SATB2: variants seen among roughly 807,000 people sequenced by gnomAD.
The protein encoded by SATB2 is DNA-binding protein SATB2.
A neutral mutation model predicts 73.4 loss-of-function variants in SATB2; 1 was observed. That is an observed-to-expected ratio of 0.01 (90% confidence interval 0.00 to 0.06). SATB2 has a LOEUF of 0.06. Ranked by LOEUF, SATB2 falls within the 10% of genes least tolerant of loss-of-function variation. The probability of loss-of-function intolerance (pLI) is 1.00; values close to 1 mark genes in which losing one functional copy is unlikely to be tolerated. For missense variants in SATB2, 459 were observed against 945.8 expected (o/e 0.49, Z 6.75); for synonymous variants, 397 against 367.0 (o/e 1.08, Z -0.93).
intron 10 of SATB2, among the ~76,000 whole-genome samples, chr2:199,285,895 T>A (rs1692673333): frequency 6.7e-6 from 1 of 150,258 alleles, no homozygotes; most frequent in African/African-American, 2.4e-5. Flanking sequence ...TTTTTTTTTT[T>A]AAATATTGTA....
At chr2:199,292,187 C>T (rs951248122) in intron 10 of SATB2, among the ~76,000 whole-genome samples, 1 of 152,130 alleles carries the variant, frequency 6.6e-6, no homozygotes, top group African/African-American at 2.4e-5. Context: ...TCAATATGGT[C>T]CTTTTGGTCT....
rs11369554 is a variant in SATB2, at chr2:199,353,148, C to CTTTTTTTT, written c.701-3983_701-3976dup. ...AGAAACCATTTACACACGTTTTTGTCTTTTTTTTTTTTTTTTTTTTTTTTG... is the reference window on the plus strand; with the variant it reads ...AGAAACCATTTACACACGTTTTTGTCTTTTTTTTTTTTTTTTTTTTTTTTTTTTTTTTG... On this transcript the variant is annotated intron_variant, in intron 6 of 10. Coordinates refer to ENST00000417098, the MANE Select transcript of SATB2 (RefSeq NM_001172509.2). Among the ~76,000 whole-genome samples, 5 of 88,012 alleles carry CTTTTTTTT rather than the reference C, an allele frequency of 5.7e-5. 1 individual carries two copies. Among genetic ancestry groups the CTTTTTTTT allele is most frequent in the Non-Finnish European group, 9.9e-5 (5 of 50,428 alleles). 57.7% of individuals were successfully genotyped at this position (88,012 alleles called of 152,430 possible).
At chr2:199,425,737 T>C (rs1206496574) in intron 3 of SATB2, among the ~76,000 whole-genome samples, 1 of 152,130 alleles carries the variant, frequency 6.6e-6, no homozygotes, top group Non-Finnish European at 1.5e-5. Flanking sequence ...TAAACAAATA[T>C]AAGGAATACA....
chr2:199,348,516 A>G, intron 7 of SATB2, 185 bp downstream of exon 7: 2 of 636,636 alleles, frequency 3.1e-6, no homozygotes, highest in Non-Finnish European at 2.7e-6. Context: ...TTAATCAATT[A>G]GTTAATTAAT....
chr2:199,347,191 C>A (rs1250093868), intron 7 of SATB2: 1 of 152,056 alleles, frequency 6.6e-6, no homozygotes, highest in Non-Finnish European at 1.5e-5. Context: ...CTGAAGTAAT[C>A]ATTAAATTTG....
chr2:199,415,113 A>G (rs182900853), intron 3 of SATB2, among the ~76,000 whole-genome samples: 89 of 152,350 alleles, frequency 5.8e-4, no homozygotes, highest in Admixed American at 1.1e-3. Context: ...AAGAATGAGC[A>G]CCACAATTAT....
chr2:199,291,147 G>A (rs957830064), intron 10 of SATB2, among the ~76,000 whole-genome samples: 1 of 152,130 alleles, frequency 6.6e-6, no homozygotes, highest in African/African-American at 2.4e-5. Flanking sequence ...AATGAACAAA[G>A]AGAGACTTTG....
upstream of SATB2, chr2:199,458,189 A>G (rs1692350158): frequency 2.6e-5 from 2 of 78,192 alleles, no homozygotes; most frequent in South Asian, 7.7e-5. Flanking sequence ...CCGCAAGAAA[A>G]GAGGGGAGTG....
chr2:199,396,650 C>T (rs569995573), intron 3 of SATB2: 1 of 152,246 alleles, frequency 6.6e-6, no homozygotes, highest in South Asian at 2.1e-4. Context: ...CTCAGGTACA[C>T]ACTGAGAAAC....
upstream of SATB2, among the ~76,000 whole-genome samples, chr2:199,460,192 GCA>G (rs1296579566): frequency 6.6e-6 from 1 of 152,010 alleles, no homozygotes; most frequent in Admixed American, 6.6e-5. The surrounding 1 kb of genome is among the most constrained non-coding windows in gnomAD (Gnocchi z 4.0). Flanking sequence ...GGGAGAAAAT[GCA>G]CAGTTCGAAG....
At chr2:199,274,244 A>T (rs1427784318) in intron 10 of SATB2, among the ~76,000 whole-genome samples, 4 of 152,170 alleles carry the variant, frequency 2.6e-5, no homozygotes, top group Non-Finnish European at 5.9e-5. Context: ...ACGTCTAGTT[A>T]CATTAAAGGA....
intron 2 of SATB2, among the ~76,000 whole-genome samples, chr2:199,451,155 T>C (rs1692111484): frequency 6.6e-6 from 1 of 151,044 alleles, no homozygotes; most frequent in Non-Finnish European, 1.5e-5. Flanking sequence ...TGATCTTGAG[T>C]ATACAATGGT....
At chr2:199,273,931 T>G (rs1692236284) in intron 10 of SATB2, among the ~76,000 whole-genome samples, 4 of 152,194 alleles carry the variant, frequency 2.6e-5, no homozygotes, top group Admixed American at 2.6e-4. Flanking sequence ...GATGAGGAAC[T>G]GCAGCCATCG....
rs999040453 is a variant in SATB2 at position 199,455,663 on chromosome 2, C to T, written c.169+206G>A. On this transcript the variant is annotated intron_variant, in intron 2 of 10. Coordinates refer to ENST00000417098, the MANE Select transcript of SATB2 (RefSeq NM_001172509.2). The surrounding 1 kb of genome is among the most constrained non-coding windows in gnomAD (Gnocchi z 4.1). ...CAGTGGCAAAATGCCCAAAAAATGC[C>T]ACCCTCTGGGTAAAACCACTTTCTT... is the stretch of plus-strand genomic sequence containing the variant. 2.0e-5 allele frequency among the ~76,000 whole-genome samples: 3 copies of T among 152,252 alleles called. No homozygotes were observed. Among genetic ancestry groups the T allele is most frequent in the Non-Finnish European group, 4.4e-5 (3 of 68,040 alleles).
Position 199,464,613 on chromosome 2 carries a change from G to A in SATB2, c.-141+223C>T, listed in dbSNP as rs1692555629. Among the ~76,000 whole-genome samples the A allele has an allele frequency of 6.6e-6, 1 of 152,130 alleles. No individual in the cohort carries two copies. Among genetic ancestry groups the A allele is most frequent in the Admixed American group, 6.5e-5 (1 of 15,274 alleles). On this transcript the variant is annotated intron_variant, in intron 1 of 11. Transcript: ENST00000260926. This position sits in a 1 kb window ranked among gnomAD's most constrained non-coding sequence, Gnocchi z 6.6. ...CTCACGGCGCGAACACCAGCGCTCC[G>A]GCCGGGTCGCAGGGGCCGGTGCCCA...
At chr2:199,407,279 CTT>C (rs1373178022) in intron 3 of SATB2, among the ~76,000 whole-genome samples, 17 of 114,634 alleles carry the variant, frequency 1.5e-4, no homozygotes, top group Non-Finnish European at 2.8e-4. Flanking sequence ...GAGCAAGACT[CTT>C]GTCTCCCAAA....
At chr2:199,359,483 C>G (rs1287127628) in intron 6 of SATB2, among the ~76,000 whole-genome samples, 2 of 152,070 alleles carry the variant, frequency 1.3e-5, no homozygotes, top group Non-Finnish European at 2.9e-5. Context: ...ACTAAACAAG[C>G]AAAGATTTTT....
chr2:199,384,066 G>A (rs1229600339), intron 3 of SATB2, among the ~76,000 whole-genome samples: 1 of 152,108 alleles, frequency 6.6e-6, no homozygotes, highest in East Asian at 1.9e-4. Context: ...AGGGGAGGGA[G>A]AGAAATCTCT....
intron 10 of SATB2, among the ~76,000 whole-genome samples, chr2:199,301,713 C>A (rs550708694): frequency 6.6e-6 from 1 of 151,986 alleles, no homozygotes; most frequent in Non-Finnish European, 1.5e-5. Context: ...AGGTAGAGCA[C>A]GAACCGTGGG....
Sources: allele counts gnomAD v4.1 joint callset (sites outside exome capture counted in the v4.1 genomes callset), GRCh38; gene constraint gnomAD v4.1.1; non-coding constraint Gnocchi (gnomAD v3.1); transcripts MANE v1.5; gene names NCBI Gene and HGNC (gene_info 2026-07-23, HGNC 2026-07-21).